Variants in DLG2 observed in about 807,000 individuals in gnomAD.
DLG2 encodes the protein disks large homolog 2.
In DLG2, 45 loss-of-function variants were observed where a neutral mutation model predicts 132.5. That is an observed-to-expected ratio of 0.34 (90% CI 0.27 to 0.44). The LOEUF (loss-of-function observed/expected upper bound fraction) is 0.44. DLG2 is among the 20% of genes least tolerant of loss of function. DLG2 has a pLI of 1.00. For synonymous variants in DLG2, 424 were observed against 419.6 expected (o/e 1.01, Z -0.13); for missense variants, 1,045 against 1,196.9 (o/e 0.87, Z 1.87).
chr11:84,184,467 T>G (rs982568258), intron 8 of DLG2, among the ~76,000 whole-genome samples: 1 of 152,120 alleles, frequency 6.6e-6, no homozygotes, highest in African/African-American at 2.4e-5. Flanking sequence ...ATTCTGGATA[T>G]TAGCCCTTTG....
At chr11:84,425,339 A>T (rs1294128051) in intron 7 of DLG2, among the ~76,000 whole-genome samples, 2 of 152,152 alleles carry the variant, frequency 1.3e-5, no homozygotes, top group Non-Finnish European at 2.9e-5. Flanking sequence ...GGAAAGCATT[A>T]TTTAATCTGG....
chr11:84,950,634 A>G (rs1315160911), intron 6 of DLG2, among the ~76,000 whole-genome samples: 2 of 152,158 alleles, frequency 1.3e-5, no homozygotes, highest in African/African-American at 4.8e-5. Context: ...AATAAAACAG[A>G]TAACTTCCTT....
intron 4 of DLG2, among the ~76,000 whole-genome samples, chr11:85,223,303 G>A (rs1376953560): frequency 6.6e-6 from 1 of 152,012 alleles, no homozygotes; most frequent in Non-Finnish European, 1.5e-5. Flanking sequence ...AGATTGCAGT[G>A]ATATCCAAAA....
intron 7 of DLG2, among the ~76,000 whole-genome samples, chr11:84,534,219 T>G (rs2099350099): frequency 6.6e-6 from 1 of 152,208 alleles, no homozygotes; most frequent in African/African-American, 2.4e-5. Context: ...TTCCCTTTGT[T>G]GGACCACGAG....
chr11:85,430,688 G>A (rs1349936708), intron 3 of DLG2, among the ~76,000 whole-genome samples: 1 of 152,030 alleles, frequency 6.6e-6, no homozygotes, highest in African/African-American at 2.4e-5. Context: ...AACAGGACAG[G>A]GTTTATGTTT....
intron 6 of DLG2, among the ~76,000 whole-genome samples, chr11:84,812,526 G>T (rs150688049): frequency 6.6e-6 from 1 of 152,128 alleles, no homozygotes; most frequent in African/African-American, 2.4e-5. Context: ...CCTGTGTCAT[G>T]TGATGCCTCT....
chr11:84,393,775 T>C lies in DLG2; in HGVS notation c.519+140795A>G, dbSNP rs147132763. On this transcript the variant is annotated intron_variant, in intron 7 of 27. Coordinates refer to ENST00000376104, the MANE Select transcript of DLG2 (RefSeq NM_001142699.3). The stretch of plus-strand genomic sequence containing the variant: ...TTTTAAAAGTGGTCACCCTTGAAAT[T>C]ATAACGTTTACTTATCAAATTCTAA... Among the ~76,000 whole-genome samples the C allele has an allele frequency of 1.7e-3, 255 of 152,350 alleles. 2 individuals are homozygous for C. Among genetic ancestry groups the C allele is most frequent in the Non-Finnish European group, 3.2e-3 (215 of 68,018 alleles).
chr11:84,154,346 A>T (rs1046464770), intron 9 of DLG2, among the ~76,000 whole-genome samples: 7 of 152,180 alleles, frequency 4.6e-5, no homozygotes, highest in Non-Finnish European at 1.0e-4. Context: ...CTAACAATTG[A>T]AATCATATAA....
intron 6 of DLG2, among the ~76,000 whole-genome samples, chr11:84,760,154 C>G (rs1174175367): frequency 3.3e-5 from 5 of 152,194 alleles, no homozygotes; most frequent in African/African-American, 1.2e-4. Context: ...GGATTTAGAT[C>G]AATAGTAGCC....
At chr11:83,835,803 C>G (rs966083462) in intron 16 of DLG2, among the ~76,000 whole-genome samples, 10 of 152,250 alleles carry the variant, frequency 6.6e-5, no homozygotes, top group African/African-American at 2.4e-4. Flanking sequence ...GTGGAAAAAT[C>G]TGCTTCCAAA....
intron 6 of DLG2, among the ~76,000 whole-genome samples, chr11:84,991,523 A>AAAAAAAAAAAG (rs1555331856): frequency 5.2e-5 from 6 of 116,294 alleles, no homozygotes; most frequent in South Asian, 2.7e-4. Context: ...AAAAAAAAAA[A>AAAAAAAAAAAG]AAAGAAAGAA....
At chr11:85,223,086 G>A (rs1401423068) in intron 4 of DLG2, among the ~76,000 whole-genome samples, 3 of 152,090 alleles carry the variant, frequency 2.0e-5, no homozygotes, top group African/African-American at 7.2e-5. Flanking sequence ...CAAATCAAAT[G>A]CCAAGAAAGA....
chr11:83,965,640 T>C (rs1031261987), intron 12 of DLG2, among the ~76,000 whole-genome samples, 172 bp from the exon 13 acceptor site: 6 of 152,002 alleles, frequency 3.9e-5, no homozygotes, highest in Non-Finnish European at 8.8e-5. Flanking sequence ...TCAATGATTC[T>C]ATAAAATAAG....
intron 8 of DLG2, among the ~76,000 whole-genome samples, chr11:84,243,803 A>G (rs1335224380): frequency 6.6e-6 from 1 of 152,226 alleles, no homozygotes; most frequent in African/African-American, 2.4e-5. Context: ...TTCAAGATTC[A>G]GTCAGAGAAA....
At chr11:85,454,662 T>A (rs2092362293) in intron 3 of DLG2, among the ~76,000 whole-genome samples, 1 of 152,202 alleles carries the variant, frequency 6.6e-6, no homozygotes, top group African/African-American at 2.4e-5. Context: ...TTTATAGTTT[T>A]AGGTTTTACG....
At chr11:83,529,809 T>G in intron 21 of DLG2, among the ~76,000 whole-genome samples, 1 of 152,136 alleles carries the variant, frequency 6.6e-6, no homozygotes, top group East Asian at 1.9e-4. Flanking sequence ...AGGGCTTCCC[T>G]TCCCAGATGA....
chr11:85,070,417 T>C (rs2154166643), intron 6 of DLG2, among the ~76,000 whole-genome samples: 1 of 151,790 alleles, frequency 6.6e-6, no homozygotes, highest in Admixed American at 6.6e-5. Flanking sequence ...TGTTTATCAG[T>C]AGATAATTGG....
intron 6 of DLG2, among the ~76,000 whole-genome samples, chr11:84,938,887 A>G (rs557087189): frequency 2.7e-4 from 41 of 152,338 alleles, no homozygotes; most frequent in African/African-American, 9.9e-4. Context: ...ATAGATAAAT[A>G]TAACCCTTTG....
At chr11:85,025,759 C>T (rs1448013990) in intron 6 of DLG2, among the ~76,000 whole-genome samples, 2 of 152,062 alleles carry the variant, frequency 1.3e-5, no homozygotes, top group Admixed American at 1.3e-4. Context: ...CTTACTTAAA[C>T]ACTATCTTAA....
Sources: allele counts gnomAD v4.1 joint callset (sites outside exome capture counted in the v4.1 genomes callset), GRCh38; gene constraint gnomAD v4.1.1; transcripts MANE v1.5; gene names NCBI Gene and HGNC (gene_info 2026-07-23, HGNC 2026-07-21).